RBMS2: variants seen among roughly 807,000 people sequenced by gnomAD.
RBMS2 encodes the protein RNA binding motif single stranded interacting protein 2.
RBMS2 carries 38 observed loss-of-function variants against 58.4 expected under a neutral mutation model. The observed-to-expected ratio is 0.65, with a 90% CI of 0.50 to 0.85. The LOEUF is 0.85. RBMS2 is among the 40% of genes least tolerant of loss of function. The probability of loss-of-function intolerance (pLI) is 0.00; values close to 1 mark genes in which losing one functional copy is unlikely to be tolerated. For synonymous variants in RBMS2, 151 were observed against 180.7 expected (o/e 0.84, Z 1.32); for missense variants, 367 against 503.7 (o/e 0.73, Z 2.60).
chr12:56,573,599 T>C (rs1019514712), intron 5 of RBMS2, among the ~76,000 whole-genome samples: 5 of 151,978 alleles, frequency 3.3e-5, no homozygotes, highest in Admixed American at 6.6e-5. Context: ...GGAGAGTTCC[T>C]AGGCTTGGGA....
At chr12:56,576,992 G>A (rs1471738200) in intron 5 of RBMS2, among the ~76,000 whole-genome samples, 1 of 133,362 alleles carries the variant, frequency 7.5e-6, no homozygotes, top group Admixed American at 8.8e-5. Context: ...AGTGAGCTGA[G>A]ATCACACCAC....
intron 1 of RBMS2, among the ~76,000 whole-genome samples, chr12:56,539,243 C>T (rs1481407757): frequency 6.6e-6 from 1 of 152,090 alleles, no homozygotes; most frequent in African/African-American, 2.4e-5. Context: ...TCTGGAACTC[C>T]TGAACTCAAG....
intron 5 of RBMS2, among the ~76,000 whole-genome samples, chr12:56,576,585 T>G (rs908727123): frequency 2.0e-5 from 3 of 152,176 alleles, no homozygotes; most frequent in East Asian, 3.9e-4. Context: ...CATTCTTATA[T>G]TCCTTTTTTC....
intron 1 of RBMS2, among the ~76,000 whole-genome samples, chr12:56,526,049 G>A (rs1053587123): frequency 3.3e-5 from 5 of 151,862 alleles, no homozygotes; most frequent in African/African-American, 1.2e-4. Context: ...GCTCACGCCT[G>A]TAATCCCAGC....
In RBMS2 at chr12:56,581,210, C is replaced by T; in HGVS notation, c.569C>T (p.Ala190Val). ...ARMESTEKCEAIITHFNGKYI... is the reference protein window; with the variant it reads ...ARMESTEKCEVIITHFNGKYI... ...ATGGAGTCCACAGAGAAGTGTGAAGCCATCATCACCCACTTTAATGGAAAA... is the reference window on the plus strand; with the variant it reads ...ATGGAGTCCACAGAGAAGTGTGAAGTCATCATCACCCACTTTAATGGAAAA... Residue 190 changes from alanine to valine, a missense_variant, in exon 6 of 14, where the codon GCC (alanine) becomes GTC (valine). Around this residue, in one of 3 missense-constraint regions of RBMS2, gnomAD observed 54 missense variants for 110.4 expected, o/e 0.49. Coordinates refer to ENST00000262031, the MANE Select transcript of RBMS2 (RefSeq NM_002898.4). 1 of 1,608,142 alleles carries T rather than the reference C, an allele frequency of 6.2e-7. No individual in the cohort carries two copies. Among genetic ancestry groups the T allele is most frequent in the Non-Finnish European group, 8.5e-7 (1 of 1,174,670 alleles).
chr12:56,588,620 A>T (rs571190998), intron 12 of RBMS2: 18 of 512,666 alleles, frequency 3.5e-5, no homozygotes, highest in South Asian at 1.5e-4. Flanking sequence ...TTCCATATTT[A>T]AAAAAAAAAC....
At chr12:56,586,825 C>T in intron 9 of RBMS2, 24 bp from the exon 10 acceptor site, 3 of 1,587,618 alleles carry the variant, frequency 1.9e-6, no homozygotes, top group Admixed American at 1.7e-5. Flanking sequence ...AGGCAATTAA[C>T]ATTTTTGTTT....
chr12:56,529,169 G>A (rs1003935187), intron 1 of RBMS2, among the ~76,000 whole-genome samples: 2 of 152,090 alleles, frequency 1.3e-5, no homozygotes, highest in Admixed American at 1.3e-4. Context: ...GTCCAGAGTG[G>A]AAACAACCCA....
intron 1 of RBMS2, among the ~76,000 whole-genome samples, chr12:56,547,722 C>T (rs1376196242): frequency 6.7e-6 from 1 of 149,842 alleles, no homozygotes; most frequent in Non-Finnish European, 1.5e-5. Context: ...GACCTCAGCT[C>T]ACTGCAACCT....
chr12:56,581,617 C>G, intron 7 of RBMS2, 109 bp downstream of exon 7: 1 of 1,241,650 alleles, frequency 8.1e-7, no homozygotes, highest in South Asian at 1.3e-5. Flanking sequence ...AGCTACAGTA[C>G]GTAATTGAGA....
At chr12:56,563,388 T>C (rs890203292) in intron 2 of RBMS2, among the ~76,000 whole-genome samples, 1 of 152,246 alleles carries the variant, frequency 6.6e-6, no homozygotes, top group Non-Finnish European at 1.5e-5. Context: ...GACTCGCCAA[T>C]CAAATCATGC....
chr12:56,566,687 G>A (rs1001968387), intron 2 of RBMS2, among the ~76,000 whole-genome samples: 4 of 151,816 alleles, frequency 2.6e-5, no homozygotes, highest in Non-Finnish European at 5.9e-5. Context: ...GTGTGGTGGC[G>A]CATGCCTGTA....
chr12:56,588,852 G>A, intron 12 of RBMS2, 80 bp from the exon 13 acceptor site: 2 of 1,364,140 alleles, frequency 1.5e-6, no homozygotes, highest in Non-Finnish European at 2.1e-6. Context: ...CTCGATGTAG[G>A]GTGGGCTTTG....
At position 56,542,512 on chromosome 12, in the gene RBMS2, T is replaced by C. The variant is rs79736815; in HGVS notation, c.67-19905T>C. Among the ~76,000 whole-genome samples, 277 of 150,814 alleles carry C rather than the reference T, an allele frequency of 1.8e-3. 10 individuals are homozygous for C. The East Asian group carries it at 0.05, about 27-fold the overall frequency. ...GGGGCTTATAGTTAACGAAAACCAT[T>C]GACTGTCCCTGTGTTTCCTTTTTTT... On this transcript the variant is annotated intron_variant, in intron 1 of 13. Transcript: ENST00000262031.
intron 1 of RBMS2, among the ~76,000 whole-genome samples, chr12:56,561,797 A>G (rs1159647449): frequency 6.9e-6 from 1 of 145,914 alleles, no homozygotes; most frequent in Non-Finnish European, 1.5e-5. Flanking sequence ...CTGGGGTTAC[A>G]AGGGTGAGCC....
intron 5 of RBMS2, among the ~76,000 whole-genome samples, chr12:56,580,750 T>C (rs1265038185): frequency 6.6e-6 from 1 of 152,260 alleles, no homozygotes; most frequent in African/African-American, 2.4e-5. Flanking sequence ...TATCAATAGC[T>C]AATTAGACCT....
chr12:56,549,169 AT>A lies in RBMS2; in HGVS notation c.67-13243del, dbSNP rs1195149589. Among the ~76,000 whole-genome samples the A allele has an allele frequency of 3.3e-5, 5 of 151,826 alleles. 1 individual carries two copies. Among genetic ancestry groups the A allele is most frequent in the Non-Finnish European group, 5.9e-5 (4 of 67,952 alleles). On this transcript the variant is annotated intron_variant, in intron 1 of 13. Coordinates refer to ENST00000262031, the MANE Select transcript of RBMS2 (RefSeq NM_002898.4). ...GTGCACCACCACGTCTAATTTTTTTATTTTTAGTAGAGACGGGGTTTCACCA... is the reference window on the plus strand; with the variant it reads ...GTGCACCACCACGTCTAATTTTTTTATTTTAGTAGAGACGGGGTTTCACCA...
chr12:56,558,081 G>A (rs1235620219), intron 1 of RBMS2, among the ~76,000 whole-genome samples: 7 of 104,480 alleles, frequency 6.7e-5, no homozygotes, highest in Admixed American at 2.8e-4. Flanking sequence ...GTCTTGCTCT[G>A]TCGCCCAGGC....
At chr12:56,558,106 G>A (rs1879608049) in intron 1 of RBMS2, among the ~76,000 whole-genome samples, 2 of 131,136 alleles carry the variant, frequency 1.5e-5, no homozygotes, top group South Asian at 5.4e-4. Flanking sequence ...GTGCAATGGC[G>A]AGAACTCATC....
Sources: allele counts gnomAD v4.1 joint callset (sites outside exome capture counted in the v4.1 genomes callset), GRCh38; gene constraint gnomAD v4.1.1; regional missense constraint gnomAD v4.1.1; transcripts MANE v1.5; gene names NCBI Gene and HGNC (gene_info 2026-07-23, HGNC 2026-07-21).